The following PDZD2 variants were observed in gnomAD, a reference collection of about 807,000 sequenced individuals.
PDZD2 encodes PDZ domain-containing protein 2.
In PDZD2, 90 loss-of-function variants were observed where a neutral mutation model predicts 220.7. That is an observed-to-expected ratio of 0.41 (90% confidence interval 0.34 to 0.49). PDZD2 has a LOEUF of 0.49. Ranked by LOEUF, PDZD2 falls within the 20% of genes least tolerant of loss-of-function variation. The pLI is 0.28. For missense variants in PDZD2, 3,174 were observed against 3,608.5 expected (o/e 0.88, Z 3.08); for synonymous variants, 1,375 against 1,450.5 (o/e 0.95, Z 1.18).
chr5:31,727,237 T>C (rs1749201866), intron 1 of PDZD2, among the ~76,000 whole-genome samples: 1 of 152,212 alleles, frequency 6.6e-6, no homozygotes, highest in Admixed American at 6.5e-5. Flanking sequence ...GAGAAATTCC[T>C]TGCCAAGAAT....
intron 1 of PDZD2, among the ~76,000 whole-genome samples, chr5:31,727,355 A>G (rs996313362): frequency 6.6e-6 from 1 of 152,118 alleles, no homozygotes; most frequent in Non-Finnish European, 1.5e-5. Flanking sequence ...TCTTTCCTCC[A>G]ATACTACCTC....
At chr5:31,716,270 C>T (rs1190412711) in intron 1 of PDZD2, among the ~76,000 whole-genome samples, 1 of 152,080 alleles carries the variant, frequency 6.6e-6, no homozygotes, top group African/African-American at 2.4e-5. Flanking sequence ...AAAATGTACC[C>T]GGGATCTGTT....
intron 2 of PDZD2, among the ~76,000 whole-genome samples, chr5:31,812,554 T>C (rs898689674): frequency 3.9e-5 from 6 of 152,156 alleles, no homozygotes; most frequent in African/African-American, 1.2e-4. Flanking sequence ...TCCACCTATC[T>C]CAGCCTCTCA....
intron 1 of PDZD2, among the ~76,000 whole-genome samples, chr5:31,781,547 C>G (rs892929171): frequency 6.6e-6 from 1 of 152,194 alleles, no homozygotes. Flanking sequence ...GTCGCCAACT[C>G]TATACTTCAA....
chr5:31,662,658 C>G (rs1440408215), intron 1 of PDZD2, among the ~76,000 whole-genome samples: 1 of 152,144 alleles, frequency 6.6e-6, no homozygotes, highest in Non-Finnish European at 1.5e-5. Context: ...GAGACGGAGT[C>G]TGGCTCTGTA....
At chr5:31,715,784 C>T (rs949567320) in intron 1 of PDZD2, among the ~76,000 whole-genome samples, 4 of 152,200 alleles carry the variant, frequency 2.6e-5, no homozygotes, top group African/African-American at 9.6e-5. Context: ...GATCTCATTT[C>T]ATCATTCTGG....
At chr5:31,753,292 T>A (rs372895888) in intron 1 of PDZD2, among the ~76,000 whole-genome samples, 14 of 152,344 alleles carry the variant, frequency 9.2e-5, no homozygotes, top group East Asian at 7.7e-4. Flanking sequence ...AGGTTTTCTA[T>A]GCCAGGAGGC....
chr5:31,746,398 G>C (rs1689433887), intron 1 of PDZD2, among the ~76,000 whole-genome samples: 1 of 152,192 alleles, frequency 6.6e-6, no homozygotes, highest in South Asian at 2.1e-4. Flanking sequence ...ACAGAGCTGT[G>C]ATCCATTAAC....
In PDZD2 at chr5:32,088,011, C is replaced by T; in HGVS notation, c.4563C>T (p.Ser1521=). The change falls in exon 20 of 25, where the codon AGC becomes AGT. Residue 1521 remains serine, a synonymous_variant. Coordinates refer to ENST00000438447, the MANE Select transcript of PDZD2 (RefSeq NM_178140.4). This position sits in a 1 kb window ranked among gnomAD's most constrained non-coding sequence, Gnocchi z 4.6. ...TTACTGTGAACAAAAACTTTCTGAG[C>T]AACTACTCTAGAAATTTTAGCAGTT... is the stretch of plus-strand genomic sequence containing the variant. ...KHFTVNKNFL[S]NYSRNFSSFH... 1.2e-6 allele frequency: 2 copies of T among 1,614,214 alleles called. No homozygotes were observed. Among genetic ancestry groups the T allele is most frequent in the Non-Finnish European group, 8.5e-7 (1 of 1,180,010 alleles).
At chr5:31,676,712 G>A (rs566686338) in intron 1 of PDZD2, among the ~76,000 whole-genome samples, 18 of 151,534 alleles carry the variant, frequency 1.2e-4, no homozygotes, top group African/African-American at 3.4e-4. Context: ...CCACCACCAC[G>A]CCCTGCTAAT....
At chr5:31,822,512 G>C in intron 2 of PDZD2, 1 of 561,686 alleles carries the variant, frequency 1.8e-6, no homozygotes, top group Admixed American at 2.3e-5. Context: ...ATAGGTCTTA[G>C]GAAGCATCCG....
chr5:31,783,337 C>T (rs1248126758), intron 1 of PDZD2, among the ~76,000 whole-genome samples: 3 of 151,802 alleles, frequency 2.0e-5, no homozygotes, highest in Non-Finnish European at 4.4e-5. Context: ...TTGGAGAACA[C>T]GGGAGGGAAG....
In PDZD2 at chr5:32,061,161, G is replaced by A. The variant is rs201763571; in HGVS notation, c.2451+27G>A. ...TGAGGTGGTCCACCCTCTTCTGAAC[G>A]TGGGAAGATGATACACCTTCCTAGG... is the stretch of plus-strand genomic sequence containing the variant. On this transcript the variant is annotated intron_variant, in intron 14 of 24. Transcript: ENST00000438447. 1.8e-5 allele frequency: 29 copies of A among 1,611,832 alleles called. 1 individual carries two copies. The African/African-American group carries it at 2.9e-4, about 16-fold the overall frequency.
At chr5:31,894,601 C>T (rs750831571) in intron 2 of PDZD2, among the ~76,000 whole-genome samples, 3 of 152,302 alleles carry the variant, frequency 2.0e-5, no homozygotes, top group Admixed American at 6.5e-5. Flanking sequence ...CAAGCGCTTC[C>T]AGACCCCTGT....
chr5:31,862,088 GT>G (rs1211203731), intron 2 of PDZD2, among the ~76,000 whole-genome samples: 20 of 108,504 alleles, frequency 1.8e-4, no homozygotes, highest in South Asian at 6.3e-4. Context: ...TAGACTCAAT[GT>G]TTTTTTTTTG....
intron 1 of PDZD2, among the ~76,000 whole-genome samples, chr5:31,742,540 C>G (rs2150168032): frequency 6.7e-6 from 1 of 149,380 alleles, no homozygotes; most frequent in South Asian, 2.2e-4. Flanking sequence ...AACTCCCCCC[C>G]TCCCCACCCC....
chr5:31,897,970 A>G (rs554402036), intron 2 of PDZD2, among the ~76,000 whole-genome samples: 82 of 152,060 alleles, frequency 5.4e-4, no homozygotes, highest in African/African-American at 1.9e-3. Context: ...AAAACTCCTG[A>G]CCTCAGGTGA....
intron 19 of PDZD2, among the ~76,000 whole-genome samples, chr5:32,080,907 T>G (rs942961632): frequency 2.0e-5 from 3 of 151,850 alleles, no homozygotes; most frequent in African/African-American, 7.3e-5. Flanking sequence ...CATCACACAC[T>G]GGAGCCTGTT....
intron 2 of PDZD2, among the ~76,000 whole-genome samples, chr5:31,980,765 TG>T (rs1750226102): frequency 2.0e-5 from 3 of 152,046 alleles, no homozygotes; most frequent in Non-Finnish European, 4.4e-5. Flanking sequence ...TTTTTATTTT[TG>T]AGACTAGTGG....
Sources: gnomAD v4.1 joint callset for allele counts (sites outside exome capture counted in the v4.1 genomes callset) on GRCh38, gnomAD v4.1.1 for gene constraint, Gnocchi (gnomAD v3.1) non-coding constraint, MANE v1.5 for transcripts, NCBI Gene and HGNC (gene_info 2026-07-23, HGNC 2026-07-21) for gene names.